Variants in TMIGD3 observed in about 807,000 individuals in gnomAD.
TMIGD3 encodes AD026 protein (AD026).
A neutral mutation model predicts 28.1 loss-of-function variants in TMIGD3; 21 were observed. The observed-to-expected ratio is 0.75, with a 90% CI of 0.53 to 1.08. The LOEUF is 1.08. Among genes scored for constraint, TMIGD3 ranks in the 50% least tolerant of loss-of-function variants. TMIGD3 has a pLI of 0.00. For synonymous variants in TMIGD3, 151 were observed against 162.1 expected, an observed-to-expected ratio of 0.93 and a Z score of 0.52; for missense variants, 416 against 435.6, an observed-to-expected ratio of 0.96 and a Z score of 0.40.
chr1:111,554,511 C>G (rs1044296475), intron 1 of TMIGD3, among the ~76,000 whole-genome samples: 2 of 152,170 alleles, frequency 1.3e-5, no homozygotes, highest in African/African-American at 4.8e-5. Context: ...CACTTGGCTA[C>G]AGGACAATAA....
rs545666802 is a variant in TMIGD3, at chr1:111,554,920, G to A, written c.107+8926C>T. On this transcript the variant is annotated intron_variant, in intron 1 of 5. Transcript: ENST00000369717. ...AAGGAAACAAAATTCCCTGAGTAAG[G>A]GACAGCAGAAACACCATGTAAGGAA... 3.3e-5 allele frequency among the ~76,000 whole-genome samples: 5 copies of A among 151,742 alleles called. No homozygotes were observed. In the South Asian group the frequency reaches 8.4e-4, roughly 26 times the overall value.
chr1:111,519,048 C>T (rs1029462900), intron 1 of TMIGD3, among the ~76,000 whole-genome samples: 2 of 152,202 alleles, frequency 1.3e-5, no homozygotes, highest in African/African-American at 4.8e-5. Context: ...AAGCGATTCT[C>T]CTGCCTCATC....
chr1:111,533,834 A>G (rs1656533429), intron 1 of TMIGD3, among the ~76,000 whole-genome samples: 1 of 152,194 alleles, frequency 6.6e-6, no homozygotes, highest in Non-Finnish European at 1.5e-5. Context: ...GATTATAAGC[A>G]TGAGCCACCA....
chr1:111,561,881 C>T (rs1243143529), intron 1 of TMIGD3, among the ~76,000 whole-genome samples: 4 of 152,014 alleles, frequency 2.6e-5, no homozygotes, highest in Non-Finnish European at 1.5e-5. Flanking sequence ...ATTTTTGGCC[C>T]GGACTTTTTC....
At chr1:111,506,250 TG>T (rs1416428149), upstream of TMIGD3, among the ~76,000 whole-genome samples, 2 of 152,224 alleles carry the variant, frequency 1.3e-5, no homozygotes, top group Non-Finnish European at 2.9e-5. Flanking sequence ...TGGCAGATCA[TG>T]GGTGCTCAGT....
At chr1:111,515,358 T>C (rs1190742730) in intron 1 of TMIGD3, among the ~76,000 whole-genome samples, 1 of 152,186 alleles carries the variant, frequency 6.6e-6, no homozygotes, top group Admixed American at 6.5e-5. Flanking sequence ...CTCTTGCGCC[T>C]TGGGGAAGTG....
intron 2 of TMIGD3, among the ~76,000 whole-genome samples, chr1:111,489,912 C>T (rs977029126): frequency 8.5e-5 from 13 of 152,150 alleles, no homozygotes; most frequent in African/African-American, 3.1e-4. Context: ...GGGAAAGTGT[C>T]TGACCAAGAA....
intron 1 of TMIGD3, among the ~76,000 whole-genome samples, chr1:111,499,249 G>C (rs1655037699): frequency 6.6e-6 from 1 of 152,070 alleles, no homozygotes; most frequent in Admixed American, 6.6e-5. Context: ...TAGATGAATG[G>C]TTCATAAAGC....
chr1:111,506,926 T>TATACACAC (rs1553201738), upstream of TMIGD3, among the ~76,000 whole-genome samples: 1 of 134,832 alleles, frequency 7.4e-6, no homozygotes, highest in African/African-American at 2.7e-5. Flanking sequence ...TATATATATA[T>TATACACAC]ACACACACAC....
chr1:111,499,726 G>GTGTAGATCTCGGTGGTA, intron 1 of TMIGD3: 1 of 1,372,726 alleles, frequency 7.3e-7, no homozygotes, highest in Non-Finnish European at 9.4e-7. Flanking sequence ...CCCCAAGTCA[G>GTGTAGATCTCGGTGGTA]GCCTCCAAAA....
intron 1 of TMIGD3, chr1:111,500,164 A>G: frequency 6.2e-7 from 1 of 1,614,212 alleles, no homozygotes; most frequent in Non-Finnish European, 8.5e-7. Flanking sequence ...GCAGTTGATG[A>G]TAGATAAAGG....
intron 1 of TMIGD3, among the ~76,000 whole-genome samples, chr1:111,541,286 T>G (rs1273912857): frequency 1.3e-5 from 2 of 152,224 alleles, no homozygotes; most frequent in Non-Finnish European, 2.9e-5. Flanking sequence ...ATAATGGGAT[T>G]GATTAATTGC....
chr1:111,518,479 A>G (rs1455983575), intron 1 of TMIGD3, among the ~76,000 whole-genome samples: 1 of 152,198 alleles, frequency 6.6e-6, no homozygotes, highest in Non-Finnish European at 1.5e-5. Context: ...CCAAGTCATG[A>G]CAATCAAAAG....
chr1:111,494,117 G>A (rs1014617579), intron 1 of TMIGD3, among the ~76,000 whole-genome samples: 1 of 152,240 alleles, frequency 6.6e-6, no homozygotes, highest in African/African-American at 2.4e-5. Context: ...AAGCCAGCCT[G>A]CTGTAAGTCA....
intron 1 of TMIGD3, among the ~76,000 whole-genome samples, chr1:111,519,288 G>T (rs1284438027): frequency 6.6e-6 from 1 of 152,156 alleles, no homozygotes; most frequent in African/African-American, 2.4e-5. Flanking sequence ...CCCTGAGTGT[G>T]CTATGAGGCT....
At chr1:111,498,955 T>G (rs1328009829) in intron 1 of TMIGD3, among the ~76,000 whole-genome samples, 1 of 151,720 alleles carries the variant, frequency 6.6e-6, no homozygotes, top group East Asian at 1.9e-4. Flanking sequence ...TAGCTGGGCT[T>G]GATGGCATGT....
At chr1:111,500,922 T>TTTTTC (rs1491432275) in intron 1 of TMIGD3, 4 of 49,856 alleles carry the variant, frequency 8.0e-5, no homozygotes, top group Non-Finnish European at 2.3e-4. Context: ...TTTCTTTTTC[T>TTTTTC]TTTTTTTTTT....
intron 1 of TMIGD3, among the ~76,000 whole-genome samples, chr1:111,526,546 G>T (rs1186542022): frequency 1.3e-5 from 2 of 152,046 alleles, no homozygotes; most frequent in Non-Finnish European, 2.9e-5. Flanking sequence ...CCAGTCTTGG[G>T]TATGTCTTTA....
chr1:111,527,913 G>C (rs1656325746), intron 1 of TMIGD3, among the ~76,000 whole-genome samples: 1 of 152,108 alleles, frequency 6.6e-6, no homozygotes, highest in Non-Finnish European at 1.5e-5. Context: ...TCCTGTATCA[G>C]ATATGTCTTT....
Sources: allele counts gnomAD v4.1 joint callset (sites outside exome capture counted in the v4.1 genomes callset), GRCh38; gene constraint gnomAD v4.1.1; transcripts MANE v1.5; gene names NCBI Gene and HGNC (gene_info 2026-07-23, HGNC 2026-07-21).